AOPEP: variants seen among roughly 807,000 people sequenced by gnomAD.
AOPEP encodes the protein aminopeptidase O (putative), also known as aminopeptidase O.
AOPEP carries 77 observed loss-of-function variants against 98.1 expected under a neutral mutation model. That is an observed-to-expected ratio of 0.78 (90% CI 0.65 to 0.95). AOPEP has a LOEUF of 0.95. AOPEP is among the 40% of genes least tolerant of loss of function. AOPEP has a pLI of 0.00. For missense variants in AOPEP, 1,024 were observed against 1,024.7 expected, an observed-to-expected ratio of 1.00 and a Z score of 0.01; for synonymous variants, 346 against 365.3, an observed-to-expected ratio of 0.95 and a Z score of 0.60.
intron 7 of AOPEP, among the ~76,000 whole-genome samples, chr9:94,946,216 A>T (rs911779453): frequency 3.9e-5 from 6 of 152,248 alleles, no homozygotes; most frequent in Admixed American, 6.5e-5. Flanking sequence ...TGATTTAGCA[A>T]GGCCAAAGCT....
intron 5 of AOPEP, among the ~76,000 whole-genome samples, chr9:94,875,067 G>C (rs2046758008): frequency 6.6e-6 from 1 of 152,072 alleles, no homozygotes. Context: ...GTTTTATGAA[G>C]TATGCATTAA....
At chr9:94,806,146 G>A (rs1849220733) in intron 5 of AOPEP, among the ~76,000 whole-genome samples, 1 of 152,106 alleles carries the variant, frequency 6.6e-6, no homozygotes, top group Non-Finnish European at 1.5e-5. Flanking sequence ...CTTTGCCTCA[G>A]GAATCAGATT....
intron 7 of AOPEP, among the ~76,000 whole-genome samples, chr9:94,950,906 G>A (rs1445546009): frequency 8.5e-5 from 13 of 152,198 alleles, no homozygotes; most frequent in Admixed American, 2.6e-4. Flanking sequence ...CACCCTTGGG[G>A]TTATCCTGCA....
At chr9:94,886,077 G>A (rs746001132) in intron 5 of AOPEP, among the ~76,000 whole-genome samples, 1 of 152,134 alleles carries the variant, frequency 6.6e-6, no homozygotes, top group Non-Finnish European at 1.5e-5. Flanking sequence ...TACAAAAAAG[G>A]TGTTGGTAAA....
In AOPEP at chr9:94,792,926, T is replaced by C; in HGVS notation, c.1118+8T>C. 1 of 1,586,194 alleles carries C rather than the reference T, an allele frequency of 6.3e-7. No homozygotes were observed. Among genetic ancestry groups the C allele is most frequent in the South Asian group, 1.1e-5 (1 of 87,514 alleles). On this transcript the variant is annotated splice_region_variant and intron_variant, in intron 4 of 16. Coordinates refer to ENST00000375315, the MANE Select transcript of AOPEP (RefSeq NM_001193329.3). ...TTCTGAGGCCAACTTCAGGTTTGTG[T>C]TTGGGGACTTGCTGGGAAGGAAAAA...
At chr9:95,135,252 T>C in the AOPEP span, 3 of 1,264,802 alleles carry the variant, frequency 2.4e-6, no homozygotes, top group African/African-American at 4.4e-5. Flanking sequence ...ATTGCTCTTT[T>C]GTTTACATCC....
intron 5 of AOPEP, among the ~76,000 whole-genome samples, chr9:94,811,317 G>A (rs1015927343): frequency 6.6e-6 from 1 of 152,158 alleles, no homozygotes; most frequent in Non-Finnish European, 1.5e-5. Flanking sequence ...GGCTTTATAT[G>A]CCCCAGCAGG....
At chr9:95,148,116 C>T in the AOPEP span, among the ~76,000 whole-genome samples, 1 of 152,318 alleles carries the variant, frequency 6.6e-6, no homozygotes, top group South Asian at 2.1e-4. Flanking sequence ...CACACACACA[C>T]AGTCGAAACA....
the AOPEP span, among the ~76,000 whole-genome samples, chr9:95,094,185 C>T: frequency 0.22 from 33,136 of 152,216 alleles, 4,670 homozygotes; most frequent in Non-Finnish European, 0.32. Context: ...GCACAGGCGC[C>T]GGCATATCCA....
chr9:94,997,182 T>C (rs1387752987), intron 11 of AOPEP, among the ~76,000 whole-genome samples: 1 of 152,244 alleles, frequency 6.6e-6, no homozygotes, highest in Non-Finnish European at 1.5e-5. Context: ...GCCTCCCTTC[T>C]GGGTAGAATG....
intron 7 of AOPEP, among the ~76,000 whole-genome samples, chr9:94,939,584 G>A (rs924208078): frequency 1.3e-5 from 2 of 152,210 alleles, no homozygotes; most frequent in Admixed American, 6.5e-5. Context: ...TTTCTAATAT[G>A]AAAATCTGAA....
intron 5 of AOPEP, among the ~76,000 whole-genome samples, chr9:94,851,556 C>T (rs1274873380): frequency 2.6e-5 from 4 of 151,692 alleles, no homozygotes; most frequent in Non-Finnish European, 4.4e-5. Flanking sequence ...GACGAGCCTT[C>T]CCTAACTTAA....
At chr9:94,992,907 G>A (rs112139098) in intron 11 of AOPEP, among the ~76,000 whole-genome samples, 3,498 of 152,306 alleles carry the variant, frequency 0.023, 133 homozygotes, top group African/African-American at 0.079. Context: ...CTGGTATTGG[G>A]AGAGTTTTTT....
At chr9:95,138,754 C>T in the AOPEP span, among the ~76,000 whole-genome samples, 3 of 152,194 alleles carry the variant, frequency 2.0e-5, no homozygotes, top group Admixed American at 6.5e-5. Context: ...GCCAGGCCGC[C>T]AGGAGCAGCA....
At chr9:94,752,887 T>C (rs1484509031) in intron 1 of AOPEP, among the ~76,000 whole-genome samples, 2 of 152,212 alleles carry the variant, frequency 1.3e-5, no homozygotes, top group Non-Finnish European at 1.5e-5. Context: ...GAAAAGGCCA[T>C]GCAGTTTTCA....
intron 1 of AOPEP, among the ~76,000 whole-genome samples, chr9:94,735,225 A>AT (rs903673661): frequency 6.6e-6 from 1 of 152,006 alleles, no homozygotes; most frequent in African/African-American, 2.4e-5. Flanking sequence ...AAGAATCTGC[A>AT]TTTTTTCTTT....
intron 10 of AOPEP, among the ~76,000 whole-genome samples, chr9:94,976,562 T>A (rs1022598334): frequency 1.3e-5 from 2 of 152,196 alleles, no homozygotes; most frequent in Non-Finnish European, 2.9e-5. Flanking sequence ...TCGTCACTAT[T>A]GCTCTCTCTA....
intron 3 of AOPEP, among the ~76,000 whole-genome samples, chr9:94,785,910 C>T (rs2133280657): frequency 6.6e-6 from 1 of 152,206 alleles, no homozygotes; most frequent in South Asian, 2.1e-4. Context: ...TACAGGATGC[C>T]CCCTTTAGGC....
chr9:94,892,074 A>G (rs561740811), intron 5 of AOPEP, among the ~76,000 whole-genome samples: 1 of 152,318 alleles, frequency 6.6e-6, no homozygotes, highest in Admixed American at 6.5e-5. Context: ...ATTTACTTAT[A>G]GATAATGTGT....
Sources: allele counts gnomAD v4.1 joint callset (sites outside exome capture counted in the v4.1 genomes callset), GRCh38; gene constraint gnomAD v4.1.1; transcripts MANE v1.5; gene names NCBI Gene and HGNC (gene_info 2026-07-23, HGNC 2026-07-21).